Variants in EFCAB8 observed in about 807,000 individuals in gnomAD.
EFCAB8 encodes the protein EF-hand calcium-binding domain-containing protein 8.
EFCAB8 carries 100 observed loss-of-function variants against 116.3 expected under a neutral mutation model. The observed-to-expected ratio is 0.86, with a 90% CI of 0.73 to 1.02. EFCAB8 has a LOEUF of 1.02. Among genes scored for constraint, EFCAB8 ranks in the 50% least tolerant of loss-of-function variants. The pLI is 0.00. For missense variants in EFCAB8, 1,320 were observed against 1,416.9 expected (o/e 0.93, Z 1.10); for synonymous variants, 558 against 567.9 (o/e 0.98, Z 0.25).
chr20:32,948,727 A>G (rs999895155), intron 23 of EFCAB8, among the ~76,000 whole-genome samples: 2 of 152,178 alleles, frequency 1.3e-5, no homozygotes, highest in African/African-American at 4.8e-5. Context: ...ATATTTGAAA[A>G]TCAGTGTAAT....
Position 32,860,493 on chromosome 20 carries a change from CTTTTTTTTTTTT to C in EFCAB8, c.-11+1507_-11+1518del, listed in dbSNP as rs71190881. On this transcript the variant is annotated intron_variant, in intron 1 of 26. Transcript: ENST00000400522. ...TTTGTTCCATCGCTGATGGTGGTAA[CTTTTTTTTTTTT>C]TTTTTTTTTTTTTTTTTTTGAGATG... Among the ~76,000 whole-genome samples the C allele has an allele frequency of 1.2e-3, 104 of 83,992 alleles. 2 individuals carry two copies. The South Asian group carries it at 0.022, about 18-fold the overall frequency. 55.1% of individuals were successfully genotyped at this position (83,992 alleles called of 152,430 possible).
rs5841120 is a variant in EFCAB8 at position 32,921,201 on chromosome 20, C to CTT, written c.2412+994_2412+995dup. Among the ~76,000 whole-genome samples, 1,357 of 149,276 alleles carry CTT rather than the reference C, an allele frequency of 9.1e-3. 17 individuals are homozygous for CTT. Among genetic ancestry groups the CTT allele is most frequent in the African/African-American group, 0.03 (1,201 of 40,620 alleles). ...TCCAGGTTCTGATTATTTCTCTCTC[C>CTT]TTTTTTTTTCTTGAGACAGGGTCTC... On this transcript the variant is annotated intron_variant, in intron 20 of 26. Coordinates refer to ENST00000400522, the MANE Select transcript of EFCAB8 (RefSeq NM_001143967.2).
chr20:32,935,188 CTTTCTTTTTTTTTT>C (rs1374158756), intron 22 of EFCAB8, among the ~76,000 whole-genome samples: 6 of 66,924 alleles, frequency 9.0e-5, no homozygotes, highest in Non-Finnish European at 1.3e-4. Context: ...TTCTTTCTTT[CTTTCTTTTTTTTTT>C]TTTTTTTTTT....
intron 6 of EFCAB8, among the ~76,000 whole-genome samples, chr20:32,888,859 G>A (rs1286779822): frequency 1.3e-5 from 2 of 151,754 alleles, no homozygotes; most frequent in Non-Finnish European, 2.9e-5. Flanking sequence ...CAGCTGCAGT[G>A]TCCCCTTTGA....
chr20:32,920,483 T>C lies in EFCAB8; in HGVS notation c.2412+268T>C, dbSNP rs140174849. 5.3e-3 allele frequency among the ~76,000 whole-genome samples: 800 copies of C among 152,244 alleles called. 6 individuals carry two copies. Among genetic ancestry groups the C allele is most frequent in the African/African-American group, 0.016 (670 of 41,540 alleles). ...AGAAAAAGAGGTTTAACTGGACTTA[T>C]AGTTCCATATGGCTGGGGAAGACCT... On this transcript the variant is annotated intron_variant, in intron 20 of 26. Transcript: ENST00000400522.
rs201493711 is a variant in EFCAB8 at position 32,948,524 on chromosome 20, AAAAGAAAGAAAGAAAGAAAGAAAG to A, written c.2959+4756_2959+4779del. 3.7e-3 allele frequency among the ~76,000 whole-genome samples: 439 copies of A among 117,576 alleles called. 5 individuals are homozygous for A. Among genetic ancestry groups the A allele is most frequent in the African/African-American group, 0.014 (408 of 30,198 alleles). 77.1% of individuals were successfully genotyped at this position (117,576 alleles called of 152,430 possible). On this transcript the variant is annotated intron_variant, in intron 23 of 26. Coordinates refer to ENST00000400522, the MANE Select transcript of EFCAB8 (RefSeq NM_001143967.2). ...CAAAGACGTTATAAGAAGAAAGTGA[AAAAGAAAGAAAGAAAGAAAGAAAG>A]AAAGAAAGAAAGAAAGAAAGAAAGA...
In EFCAB8 at chr20:32,899,100, T is replaced by C. The variant is rs185292508; in HGVS notation, c.1088+477T>C. Reference sequence around the variant, plus strand: ...TTTTCTTTTCTTTTGAAAAACTAGTTAGTCACCGGGCGCGGTGGCTCACGC... The same window carrying C: ...TTTTCTTTTCTTTTGAAAAACTAGTCAGTCACCGGGCGCGGTGGCTCACGC... On this transcript the variant is annotated intron_variant, in intron 11 of 26. Transcript: ENST00000400522. 1.1e-4 allele frequency among the ~76,000 whole-genome samples: 16 copies of C among 152,270 alleles called. No individual in the cohort carries two copies. In the East Asian group the frequency reaches 2.3e-3, roughly 22 times the overall value.
intron 17 of EFCAB8, among the ~76,000 whole-genome samples, chr20:32,915,653 A>G (rs1347784484): frequency 6.7e-6 from 1 of 148,510 alleles, no homozygotes; most frequent in African/African-American, 2.5e-5. Context: ...TGGACCATCC[A>G]TCCTCTACCT....
At chr20:32,926,660 C>A (rs199586896) in intron 20 of EFCAB8, among the ~76,000 whole-genome samples, 1 of 126,838 alleles carries the variant, frequency 7.9e-6, no homozygotes, top group Non-Finnish European at 1.7e-5. Context: ...TCCCTCCCCC[C>A]TCCCCCGACC....
chr20:32,928,914 C>T (rs1456987751), intron 20 of EFCAB8, among the ~76,000 whole-genome samples: 2 of 148,270 alleles, frequency 1.3e-5, no homozygotes, highest in African/African-American at 5.0e-5. Flanking sequence ...TTAATTTTGT[C>T]AAATCGTTTT....
intron 23 of EFCAB8, among the ~76,000 whole-genome samples, chr20:32,948,549 AAAG>A (rs1216354512): frequency 1.3e-5 from 2 of 148,680 alleles, no homozygotes; most frequent in East Asian, 1.9e-4. Flanking sequence ...AGAAAGAAAG[AAAG>A]AAAGAAAGAA....
chr20:32,889,368 T>G lies in EFCAB8; in HGVS notation c.635T>G (p.Met212Arg). The change falls in exon 7 of 27, where the codon ATG becomes AGG. Residue 212 changes from methionine to arginine, a missense_variant. Physicochemically the swap from Met to Arg is moderately conservative, Grantham distance 91. Coordinates refer to ENST00000400522, the MANE Select transcript of EFCAB8 (RefSeq NM_001143967.2). ...ATTGACATGGTATGTCTGCACAATA[T>G]GAACCTCGTTGCAGTTGCGTCTACC... is the stretch of plus-strand genomic sequence containing the variant. ...WVIDMVCLHN[M>R]NLVAVASTRQ... 2 of 1,551,882 alleles carry G rather than the reference T, an allele frequency of 1.3e-6. No individual in the cohort carries two copies. The highest frequency in any genetic ancestry group is 1.7e-6 in the Non-Finnish European group (2 of 1,147,040).
chr20:32,902,997 C>T (rs910635133), intron 11 of EFCAB8, among the ~76,000 whole-genome samples: 11 of 152,240 alleles, frequency 7.2e-5, no homozygotes, highest in African/African-American at 2.7e-4. Context: ...CATCTCCCAC[C>T]TGAACTGCTT....
intron 3 of EFCAB8, among the ~76,000 whole-genome samples, chr20:32,869,372 A>G (rs1430198132): frequency 1.3e-5 from 2 of 151,824 alleles, no homozygotes; most frequent in African/African-American, 4.8e-5. Flanking sequence ...AGTAGCTGGG[A>G]TTACTGGTAT....
At chr20:32,913,205 A>G (rs1987024204) in intron 17 of EFCAB8, among the ~76,000 whole-genome samples, 1 of 152,118 alleles carries the variant, frequency 6.6e-6, no homozygotes, top group Non-Finnish European at 1.5e-5. Context: ...ACATAAATTT[A>G]TTTATCAGAG....
intron 1 of EFCAB8, among the ~76,000 whole-genome samples, chr20:32,859,865 A>G (rs1390520515): frequency 1.3e-5 from 2 of 152,374 alleles, no homozygotes; most frequent in African/African-American, 2.4e-5. Context: ...CAAATTTTAC[A>G]TAATTTCACC....
chr20:32,927,275 C>T (rs1044768443), intron 20 of EFCAB8, among the ~76,000 whole-genome samples: 2 of 152,114 alleles, frequency 1.3e-5, no homozygotes, highest in Admixed American at 6.6e-5. Context: ...ATGAACTTCA[C>T]GAGTAAATCT....
intron 17 of EFCAB8, among the ~76,000 whole-genome samples, chr20:32,915,924 C>T (rs183816583): frequency 9.9e-5 from 15 of 152,132 alleles, no homozygotes; most frequent in African/African-American, 2.9e-4. Flanking sequence ...CCACCTGTCT[C>T]AGTTCCCAAA....
At chr20:32,948,546 A>AAG (rs1988684304) in intron 23 of EFCAB8, among the ~76,000 whole-genome samples, 1 of 148,324 alleles carries the variant, frequency 6.7e-6, no homozygotes, top group African/African-American at 2.6e-5. Flanking sequence ...GAAAGAAAGA[A>AAG]AGAAAGAAAG....
Sources: gnomAD v4.1 joint callset for allele counts (sites outside exome capture counted in the v4.1 genomes callset) on GRCh38, gnomAD v4.1.1 for gene constraint, MANE v1.5 for transcripts, NCBI Gene and HGNC (gene_info 2026-07-23, HGNC 2026-07-21) for gene names.